JAG2: variants seen among roughly 807,000 people sequenced by gnomAD.
JAG2 encodes protein jagged-2.
Under a neutral mutation model 141.7 loss-of-function variants are expected in JAG2, and 46 were observed. The observed-to-expected ratio is 0.32, with a 90% confidence interval of 0.26 to 0.42. The LOEUF (loss-of-function observed/expected upper bound fraction) is 0.42, where lower values mean the gene tolerates loss of function less well. Among genes scored for constraint, JAG2 ranks in the 10% least tolerant of loss-of-function variants. The probability of loss-of-function intolerance (pLI) is 1.00; values close to 1 mark genes in which losing one functional copy is unlikely to be tolerated. For synonymous variants in JAG2, 862 were observed against 763.5 expected, an observed-to-expected ratio of 1.13 and a Z score of -2.13; for missense variants, 1,500 against 1,817.5, an observed-to-expected ratio of 0.83 and a Z score of 3.18.
intron 2 of JAG2, 110 bp from the exon 3 acceptor site, chr14:105,157,873 G>T: frequency 9.8e-7 from 1 of 1,017,910 alleles, no homozygotes; most frequent in Non-Finnish European, 1.5e-6. Context: ...GCCAGGCTCT[G>T]GCCCTTCCTC....
intron 22 of JAG2, 129 bp downstream of exon 22, chr14:105,146,256 G>T: frequency 1.1e-6 from 1 of 879,102 alleles, no homozygotes; most frequent in South Asian, 1.5e-5. Context: ...CGCCTCCCTG[G>T]GTGTCCCTGA....
At position 105,141,369 on chromosome 14, in the gene JAG2, A is replaced by C. The variant is rs1427266384; in HGVS notation, c.*1326T>G. On this transcript the variant is annotated 3_prime_UTR_variant, in exon 26 of 26. Coordinates refer to ENST00000331782, the MANE Select transcript of JAG2 (RefSeq NM_002226.5). ...AAAACAAAGGAATAAATGAATGAAT[A>C]AAAATTTTGACCTGTTAATTCCTTA... 6.6e-6 allele frequency: 1 copy of C among 152,258 alleles called. No individual in the cohort carries two copies. The highest frequency in any genetic ancestry group is 1.9e-4 in the East Asian group (1 of 5,196). The allele number at this position is 152,258 out of a possible 1,614,324, so 9.4% of individuals were successfully genotyped here.
At position 105,151,731 on chromosome 14, in the gene JAG2, C is replaced by T. The variant is rs917861839; in HGVS notation, c.1048G>A (p.Ala350Thr). ...SGRNCEKAEH[A>T]CTSNPCANGG... ...TTGGCACACGGGTTGGAGGTGCAGG[C>T]GTGCTCAGCTGTAGAACCGCGGGGA... The change falls in exon 8 of 26, where the codon GCC becomes ACC. Residue 350 changes from alanine (A) to threonine (T), a missense_variant. This residue lies in a region of JAG2 where 875 missense variants were observed against 1,202.2 expected (regional missense o/e 0.73). Transcript: ENST00000331782. 16 of 1,609,406 alleles carry T rather than the reference C, an allele frequency of 9.9e-6. No individual in the cohort carries two copies. Among genetic ancestry groups the T allele is most frequent in the African/African-American group, 2.7e-5 (2 of 74,906 alleles).
chr14:105,168,392 GGAA>G lies in JAG2; in HGVS notation c.26_28del (p.Leu9del). ...CGCCAGCAGCAGCAGCAGCCGCCGG[GGAA>G]GGCGCCCCCGGCCCTGCGCCCGCAT... is the stretch of plus-strand genomic sequence containing the variant. On this transcript the variant is annotated inframe_deletion, in exon 1 of 26. Coordinates refer to ENST00000331782, the MANE Select transcript of JAG2 (RefSeq NM_002226.5). The G allele has an allele frequency of 9.7e-7, 1 of 1,026,348 alleles. No homozygotes were observed. The highest frequency in any genetic ancestry group is 2.5e-5 in the South Asian group (1 of 39,708). 63.6% of individuals were successfully genotyped at this position (1,026,348 alleles called of 1,614,324 possible). A position where few individuals can be genotyped will look rare whatever the true frequency, so the allele number is the denominator to read the frequency against.
intron 4 of JAG2, 35 bp downstream of exon 4, chr14:105,155,703 T>C: frequency 6.2e-7 from 1 of 1,612,418 alleles, no homozygotes; most frequent in Non-Finnish European, 8.5e-7. Flanking sequence ...CCCGAGGCCC[T>C]CCCTGCCCTC....
At chr14:105,156,094 G>A (rs759865988) in intron 3 of JAG2, 105 bp from the exon 4 acceptor site, 493 of 1,430,472 alleles carry the variant, frequency 3.4e-4, no homozygotes, top group East Asian at 9.8e-4. Flanking sequence ...CTGCAAGGCC[G>A]GGGCACAGCA....
In JAG2 at chr14:105,142,588, T is replaced by TC; in HGVS notation, c.*106_*107insG. The TC allele has an allele frequency of 1.2e-6, 1 of 828,548 alleles. No individual in the cohort carries two copies. The highest frequency in any genetic ancestry group is 1.7e-5 in the South Asian group (1 of 59,940). The allele number at this position is 828,548 out of a possible 1,614,324, so 51.3% of individuals were successfully genotyped here. A position where few individuals can be genotyped will look rare whatever the true frequency, so the allele number is the denominator to read the frequency against. ...ATTTGGTTTTTGTTTTTGGTGGTTTTTTTACACAAAATAAAGAAACTATGC... is the reference window on the plus strand; with the variant it reads ...ATTTGGTTTTTGTTTTTGGTGGTTTTCTTTACACAAAATAAAGAAACTATGC... On this transcript the variant is annotated 3_prime_UTR_variant, in exon 26 of 26. Transcript: ENST00000331782.
chr14:105,150,502 C>T, intron 12 of JAG2, 102 bp downstream of exon 12: 2 of 1,259,030 alleles, frequency 1.6e-6, no homozygotes, highest in Non-Finnish European at 2.2e-6. Context: ...ACAACTTCCC[C>T]TGCAGCACCC....
chr14:105,147,997 G>A (rs995941301), intron 17 of JAG2, 109 bp from the exon 18 acceptor site: 475 of 1,137,500 alleles, frequency 4.2e-4, no homozygotes, highest in Non-Finnish European at 5.7e-4. Flanking sequence ...GGGGCAGGGG[G>A]CAGGGGGCAG....
At chr14:105,156,045 C>A in intron 3 of JAG2, 56 bp from the exon 4 acceptor site, 1 of 1,588,234 alleles carries the variant, frequency 6.3e-7, no homozygotes, top group Non-Finnish European at 8.5e-7. Flanking sequence ...GCCAGGGGTC[C>A]TCCAGGAACA....
At chr14:105,165,193 G>A (rs1353198593) in intron 2 of JAG2, among the ~76,000 whole-genome samples, 1 of 152,122 alleles carries the variant, frequency 6.6e-6, no homozygotes, top group Non-Finnish European at 1.5e-5. Flanking sequence ...ACGGCCAACT[G>A]CCACCACCCT....
Position 105,168,377 on chromosome 14 carries a change from A to G in JAG2, c.44T>C (p.Leu15Pro). The change falls in exon 1 of 26, where the codon CTG (leucine) becomes CCG (proline). Residue 15 changes from leucine (L) to proline (P), a missense_variant. Physicochemically the swap from Leu to Pro is moderately conservative, Grantham distance 98. Around this residue, in one of 3 missense-constraint regions of JAG2, gnomAD observed 200 missense variants for 174.3 expected, o/e 1.15. Transcript: ENST00000331782. ...GRGRLPRRLLLLLALWVQAAR... is the reference protein window; with the variant it reads ...GRGRLPRRLLPLLALWVQAAR... ...CACCTGCACCCAGAGCGCCAGCAGC[A>G]GCAGCAGCCGCCGGGGAAGGCGCCC... 1 of 1,021,270 alleles carries G rather than the reference A, an allele frequency of 9.8e-7. No individual in the cohort carries two copies. Among genetic ancestry groups the G allele is most frequent in the Admixed American group, 4.0e-5 (1 of 25,060 alleles). 63.3% of individuals were successfully genotyped at this position (1,021,270 alleles called of 1,614,324 possible). A position where few individuals can be genotyped will look rare whatever the true frequency, so the allele number is the denominator to read the frequency against.
At chr14:105,155,262 T>A (rs587658328) in intron 5 of JAG2, among the ~76,000 whole-genome samples, 2 of 152,050 alleles carry the variant, frequency 1.3e-5, no homozygotes, top group South Asian at 4.2e-4. Flanking sequence ...CCTCTGCCCA[T>A]GCCCCATCTC....
chr14:105,157,673 G>C lies in JAG2; in HGVS notation c.475+33C>G, dbSNP rs1424314837. The stretch of plus-strand genomic sequence containing the variant: ...CCTGCCACAGGCACGCTGAAGCTGA[G>C]AGGAGCTGCCACCTGGCCCAGGGCT... On this transcript the variant is annotated intron_variant, in intron 3 of 25. Coordinates refer to ENST00000331782, the MANE Select transcript of JAG2 (RefSeq NM_002226.5). 6 of 1,544,964 alleles carry C rather than the reference G, an allele frequency of 3.9e-6. No individual in the cohort carries two copies. The East Asian group carries it at 1.5e-4, about 38-fold the overall frequency.
At chr14:105,163,489 G>C (rs1888817882) in intron 2 of JAG2, among the ~76,000 whole-genome samples, 1 of 152,198 alleles carries the variant, frequency 6.6e-6, no homozygotes, top group Non-Finnish European at 1.5e-5. Flanking sequence ...CAAAGCCCAG[G>C]GTACAACTGA....
intron 18 of JAG2, 49 bp from the exon 19 acceptor site, chr14:105,147,576 G>A (rs376152401): frequency 3.8e-6 from 6 of 1,577,456 alleles, no homozygotes; most frequent in African/African-American, 2.7e-5. Flanking sequence ...CCCCCCAAGC[G>A]TGCCAGGCAC....
chr14:105,163,087 G>C (rs1030759478), intron 2 of JAG2, among the ~76,000 whole-genome samples: 1 of 152,256 alleles, frequency 6.6e-6, no homozygotes, highest in African/African-American at 2.4e-5. Context: ...CCCCACCAAC[G>C]CCCCGACTTG....
chr14:105,148,510 G>T, intron 15 of JAG2, 71 bp from the exon 16 acceptor site: 1 of 1,115,480 alleles, frequency 9.0e-7, no homozygotes, highest in Non-Finnish European at 1.3e-6. Flanking sequence ...GGGGGAGGAA[G>T]CACTGGAGCT....
Position 105,149,039 on chromosome 14 carries a change from C to A in JAG2, c.1804G>T (p.Ala602Ser). Residue 602 changes from alanine (A) to serine (S), a missense_variant, in exon 14 of 26, where the codon GCC becomes TCC. Coordinates refer to ENST00000331782, the MANE Select transcript of JAG2 (RefSeq NM_002226.5). ...DAGPGMPGTA[A>S]SGVCGPHGRC... is the part of the protein sequence containing the mutation. ...CCATGGGGGCCACACACGCCGGAGG[C>A]TGCTGTGCCAGGCATCCCAGGCCCC... The A allele has an allele frequency of 1.2e-6, 2 of 1,608,056 alleles. No homozygotes were observed. Among genetic ancestry groups the A allele is most frequent in the Non-Finnish European group, 1.7e-6 (2 of 1,178,072 alleles).
Sources: allele counts gnomAD v4.1 joint callset (sites outside exome capture counted in the v4.1 genomes callset), GRCh38; gene constraint gnomAD v4.1.1; regional missense constraint gnomAD v4.1.1; transcripts MANE v1.5; gene names NCBI Gene and HGNC (gene_info 2026-07-23, HGNC 2026-07-21).